ZFAND3: variants seen among roughly 807,000 people sequenced by gnomAD.
ZFAND3 encodes AN1-type zinc finger protein 3.
Under a neutral mutation model 29.6 loss-of-function variants are expected in ZFAND3, and 10 were observed. That is an observed-to-expected ratio of 0.34 (90% CI 0.21 to 0.57). ZFAND3 has a LOEUF of 0.57. Ranked by LOEUF, ZFAND3 falls within the 20% of genes least tolerant of loss-of-function variation. The pLI is 0.86. For synonymous variants in ZFAND3, 128 were observed against 112.6 expected (o/e 1.14, Z -0.87); for missense variants, 230 against 304.5 (o/e 0.76, Z 1.82).
intron 2 of ZFAND3, among the ~76,000 whole-genome samples, chr6:37,946,716 A>C (rs1334494771): frequency 6.6e-6 from 1 of 152,176 alleles, no homozygotes; most frequent in Non-Finnish European, 1.5e-5. Flanking sequence ...GGCTTTTAAC[A>C]AGTGTTTTTG....
chr6:38,026,688 C>G (rs1443840607), intron 2 of ZFAND3, among the ~76,000 whole-genome samples: 1 of 152,048 alleles, frequency 6.6e-6, no homozygotes, highest in Non-Finnish European at 1.5e-5. Flanking sequence ...ACCTTGGCCT[C>G]CCAAAGTGCT....
At chr6:38,015,985 C>T (rs1157798843) in intron 2 of ZFAND3, among the ~76,000 whole-genome samples, 2 of 152,152 alleles carry the variant, frequency 1.3e-5, no homozygotes, top group African/African-American at 4.8e-5. Context: ...TTATAAAATA[C>T]ATGATTAGAT....
chr6:37,955,342 ATGT>A (rs1430082311), intron 2 of ZFAND3, among the ~76,000 whole-genome samples: 1 of 152,160 alleles, frequency 6.6e-6, no homozygotes, highest in Non-Finnish European at 1.5e-5. Context: ...GCTAAAAGAT[ATGT>A]TGTTTAGTTC....
intron 1 of ZFAND3, among the ~76,000 whole-genome samples, chr6:37,831,261 G>A (rs1337591859): frequency 6.6e-6 from 1 of 152,228 alleles, no homozygotes; most frequent in Non-Finnish European, 1.5e-5. Context: ...AAGGAGCACT[G>A]ATGGCAGATT....
intron 1 of ZFAND3, among the ~76,000 whole-genome samples, chr6:37,853,688 T>A (rs907630097): frequency 2.6e-5 from 4 of 152,178 alleles, no homozygotes; most frequent in African/African-American, 9.6e-5. Context: ...GTAAATGCAT[T>A]TTGTTTGCAA....
intron 2 of ZFAND3, among the ~76,000 whole-genome samples, chr6:38,007,482 C>T (rs796893912): frequency 6.6e-6 from 1 of 152,132 alleles, no homozygotes; most frequent in African/African-American, 2.4e-5. Flanking sequence ...GAGGTCGAGG[C>T]CACAGTGAGC....
intron 1 of ZFAND3, among the ~76,000 whole-genome samples, chr6:37,923,984 G>GT (rs561739312): frequency 1.1e-4 from 16 of 149,628 alleles, no homozygotes; most frequent in African/African-American, 1.5e-4. Flanking sequence ...TTTACTTTTT[G>GT]TTTTTTTTTC....
chr6:37,882,113 G>A (rs937406928), intron 1 of ZFAND3, among the ~76,000 whole-genome samples: 1 of 152,166 alleles, frequency 6.6e-6, no homozygotes, highest in Non-Finnish European at 1.5e-5. Context: ...CTTTTCAGTG[G>A]TCCAGTTGGG....
At chr6:37,991,112 A>T (rs1762751493) in intron 2 of ZFAND3, among the ~76,000 whole-genome samples, 1 of 151,994 alleles carries the variant, frequency 6.6e-6, no homozygotes, top group African/African-American at 2.4e-5. Context: ...TTCCCACTGG[A>T]GGAGGGTCTC....
chr6:38,029,385 A>G (rs1226652584), intron 2 of ZFAND3, among the ~76,000 whole-genome samples: 1 of 152,160 alleles, frequency 6.6e-6, no homozygotes, highest in Non-Finnish European at 1.5e-5. Flanking sequence ...TATTTCTACT[A>G]AATCAGTTTC....
At chr6:37,918,729 A>G (rs1160371090) in intron 1 of ZFAND3, among the ~76,000 whole-genome samples, 1 of 152,114 alleles carries the variant, frequency 6.6e-6, no homozygotes, top group Non-Finnish European at 1.5e-5. Context: ...AATTATTTTG[A>G]CACACTTTGG....
At chr6:37,948,729 T>C (rs775723020) in intron 2 of ZFAND3, among the ~76,000 whole-genome samples, 10 of 152,350 alleles carry the variant, frequency 6.6e-5, no homozygotes, top group Non-Finnish European at 1.3e-4. Flanking sequence ...TGTTCCTGTA[T>C]GTGTTTGCTA....
chr6:37,928,674 C>T (rs549869123), intron 1 of ZFAND3, among the ~76,000 whole-genome samples: 2 of 152,110 alleles, frequency 1.3e-5, no homozygotes, highest in Admixed American at 6.5e-5. Flanking sequence ...GCCACCTCTC[C>T]CAGCTAATTT....
At chr6:38,142,294 T>G (rs1256063557) in intron 5 of ZFAND3, 1 of 471,594 alleles carries the variant, frequency 2.1e-6, no homozygotes, top group Non-Finnish European at 4.4e-6. Flanking sequence ...GCATTTATAG[T>G]CTGATGCCCC....
intron 1 of ZFAND3, among the ~76,000 whole-genome samples, chr6:37,908,557 AAAG>A (rs1765455417): frequency 6.7e-6 from 1 of 148,978 alleles, no homozygotes; most frequent in South Asian, 2.1e-4. Context: ...AAAAAAAAAA[AAAG>A]AAAAAAAAGA....
At chr6:38,117,256 CT>C (rs35684874) in intron 5 of ZFAND3, among the ~76,000 whole-genome samples, 206 of 96,344 alleles carry the variant, frequency 2.1e-3, no homozygotes, top group African/African-American at 6.1e-3. Context: ...TTGAAATAGC[CT>C]TTTTTTTTTT....
chr6:37,973,848 CT>C (rs767122968), intron 2 of ZFAND3, among the ~76,000 whole-genome samples: 48 of 152,290 alleles, frequency 3.2e-4, no homozygotes, highest in Non-Finnish European at 6.5e-4. Flanking sequence ...TCTTTCTCAT[CT>C]ACTTAGAAAG....
Position 38,152,454 on chromosome 6 carries a change from AAGTC to A in ZFAND3, c.*68_*71del. ...ACTAATGTTAGCCTTATTTAGGACAAAGTCAGCCAGACACCTTGTACTGGGCACG... is the reference window on the plus strand; with the variant it reads ...ACTAATGTTAGCCTTATTTAGGACAAAGCCAGACACCTTGTACTGGGCACG... On this transcript the variant is annotated 3_prime_UTR_variant, in exon 6 of 6. Coordinates refer to ENST00000287218, the MANE Select transcript of ZFAND3 (RefSeq NM_021943.3). 10 of 1,475,308 alleles carry A rather than the reference AAGTC, an allele frequency of 6.8e-6. No individual in the cohort carries two copies. Among genetic ancestry groups the A allele is most frequent in the Non-Finnish European group, 9.0e-6 (10 of 1,114,134 alleles). The allele number at this position is 1,475,308 out of a possible 1,614,324, so 91.4% of individuals were successfully genotyped here. A position where few individuals can be genotyped will look rare whatever the true frequency, so the allele number is the denominator to read the frequency against.
In ZFAND3 at chr6:38,116,666, G is replaced by T. The variant is rs1233917080; in HGVS notation, c.456G>T (p.Lys152Asn). ...RSEETSRSKQKSRRRCFQCQT... is the reference protein window; with the variant it reads ...RSEETSRSKQNSRRRCFQCQT... Reference sequence around the variant, plus strand: ...AGGAAACCAGTCGATCTAAACAGAAGAGTCGACGTCGGTGCTTCCAGTGCC... The same window carrying T: ...AGGAAACCAGTCGATCTAAACAGAATAGTCGACGTCGGTGCTTCCAGTGCC... Residue 152 changes from lysine to asparagine, a missense_variant, in exon 5 of 6, where the codon AAG (lysine) becomes AAT (asparagine). Lys to Asn is a moderately conservative substitution (Grantham distance 94). Coordinates refer to ENST00000287218, the MANE Select transcript of ZFAND3 (RefSeq NM_021943.3). The T allele has an allele frequency of 3.7e-6, 6 of 1,614,218 alleles. No homozygotes were observed. Among genetic ancestry groups the T allele is most frequent in the Admixed American group, 1.7e-5 (1 of 60,022 alleles).
Sources: allele counts gnomAD v4.1 joint callset (sites outside exome capture counted in the v4.1 genomes callset), GRCh38; gene constraint gnomAD v4.1.1; transcripts MANE v1.5; gene names NCBI Gene and HGNC (gene_info 2026-07-23, HGNC 2026-07-21).